The following HINT3 variants were observed in gnomAD, a reference collection of about 807,000 sequenced individuals.
HINT3 encodes the protein histidine triad nucleotide binding protein 3.
In HINT3, 16 loss-of-function variants were observed where a neutral mutation model predicts 19.1. The ratio of observed to expected loss-of-function variants is 0.84; its 90% confidence interval spans 0.57 to 1.27. The LOEUF (loss-of-function observed/expected upper bound fraction) is 1.27, where lower values mean the gene tolerates loss of function less well. Ranked by LOEUF, HINT3 falls within the 50% of genes most tolerant of loss-of-function variation. HINT3 has a pLI of 0.00. For synonymous variants in HINT3, 75 were observed against 84.8 expected (o/e 0.88, Z 0.63); for missense variants, 197 against 225.8 (o/e 0.87, Z 0.82).
chr6:125,975,046 C>A, intron 4 of HINT3, 73 bp downstream of exon 4: 1 of 1,419,410 alleles, frequency 7.0e-7, no homozygotes, highest in East Asian at 2.3e-5. Flanking sequence ...TTTTTCTTCT[C>A]AACAGTAGGC....
intron 1 of HINT3, among the ~76,000 whole-genome samples, chr6:125,960,129 A>G (rs774622899): frequency 3.3e-5 from 5 of 152,232 alleles, no homozygotes; most frequent in Non-Finnish European, 7.3e-5. Context: ...AAAGGTTTGA[A>G]GTAGCTCCTG....
chr6:125,964,329 G>C (rs1788986466), intron 1 of HINT3, among the ~76,000 whole-genome samples: 1 of 152,036 alleles, frequency 6.6e-6, no homozygotes, highest in Admixed American at 6.5e-5. Flanking sequence ...TGTTTTCAGA[G>C]TCAAAATTGT....
intron 3 of HINT3, among the ~76,000 whole-genome samples, chr6:125,972,642 T>G (rs1789118231): frequency 6.6e-6 from 1 of 152,104 alleles, no homozygotes; most frequent in African/African-American, 2.4e-5. Context: ...CAGGCTAGAG[T>G]GCAGTGGTGT....
intron 2 of HINT3, among the ~76,000 whole-genome samples, chr6:125,967,697 A>G (rs1475640517): frequency 6.6e-6 from 1 of 152,214 alleles, no homozygotes; most frequent in African/African-American, 2.4e-5. Context: ...ATGAAAAATT[A>G]TAAACAAACA....
Position 125,966,914 on chromosome 6 carries a change from A to T in HINT3, c.229A>T (p.Ile77Phe). The T allele has an allele frequency of 6.2e-7, 1 of 1,612,708 alleles. No homozygotes were observed. The highest frequency in any genetic ancestry group is 8.5e-7 in the Non-Finnish European group (1 of 1,179,396). The change falls in exon 2 of 5, where the codon ATC becomes TTC. Residue 77 changes from isoleucine to phenylalanine, a missense_variant. Ile to Phe is a conservative substitution (Grantham distance 21). Coordinates refer to ENST00000229633, the MANE Select transcript of HINT3 (RefSeq NM_138571.5). Reference sequence around the variant, plus strand: ...TGAGGACCTAATTTGCTTCAAAGATATCAAACCAGCAGCAACTCATCATTA... The same window carrying T: ...TGAGGACCTAATTTGCTTCAAAGATTTCAAACCAGCAGCAACTCATCATTA... ...ENEDLICFKD[I>F]KPAATHHYLV...
chr6:125,956,975 G>T lies in HINT3; in HGVS notation c.-3G>T. ...AGGCTCTAGGCCGCGAGGGGCGGGT[G>T]CAATGGCGGAGGAACAGGTGAACCG... On this transcript the variant is annotated 5_prime_UTR_variant, in exon 1 of 5. Transcript: ENST00000229633. 6.5e-7 allele frequency: 1 copy of T among 1,549,486 alleles called. No individual in the cohort carries two copies. The highest frequency in any genetic ancestry group is 8.7e-7 in the Non-Finnish European group (1 of 1,146,532).
intron 2 of HINT3, among the ~76,000 whole-genome samples, chr6:125,969,551 G>A (rs183954785): frequency 4.2e-3 from 645 of 152,222 alleles, no homozygotes; most frequent in Non-Finnish European, 6.8e-3. Flanking sequence ...GATGTTGGTA[G>A]TGTTGAATCC....
At chr6:125,957,569 T>C (rs1326736803) in intron 1 of HINT3, among the ~76,000 whole-genome samples, 1 of 152,192 alleles carries the variant, frequency 6.6e-6, no homozygotes, top group African/African-American at 2.4e-5. Context: ...ACCTTCAAGA[T>C]ACTGATTTTA....
chr6:125,965,912 A>G (rs1215735894), intron 1 of HINT3, among the ~76,000 whole-genome samples: 2 of 152,212 alleles, frequency 1.3e-5, no homozygotes, highest in Admixed American at 1.3e-4. Context: ...ATATATAATT[A>G]TCATGTTTGT....
chr6:125,962,161 CACATAT>C lies in HINT3; in HGVS notation c.202-4724_202-4719del, dbSNP rs1229533248. On this transcript the variant is annotated intron_variant, in intron 1 of 4. Transcript: ENST00000229633. ...GTGGATGGAAACCCATATATATATA[CACATAT>C]ATATATATATATATATATACACATA... is the stretch of plus-strand genomic sequence containing the variant. 4.4e-4 allele frequency among the ~76,000 whole-genome samples: 44 copies of C among 99,824 alleles called. 6 individuals carry two copies. Among genetic ancestry groups the C allele is most frequent in the African/African-American group, 1.6e-3 (37 of 22,472 alleles). The allele number at this position is 99,824 out of a possible 152,430, so 65.5% of individuals were successfully genotyped here. A position where few individuals can be genotyped will look rare whatever the true frequency, so the allele number is the denominator to read the frequency against.
chr6:125,970,756 T>C (rs1789085776), intron 2 of HINT3, among the ~76,000 whole-genome samples: 2 of 152,190 alleles, frequency 1.3e-5, no homozygotes, highest in Non-Finnish European at 2.9e-5. Context: ...AAGTTGACCA[T>C]ATTCCGAGCA....
At chr6:125,974,259 C>T (rs1381290265) in intron 3 of HINT3, among the ~76,000 whole-genome samples, 2 of 152,128 alleles carry the variant, frequency 1.3e-5, no homozygotes, top group Admixed American at 1.3e-4. Context: ...TAAAGGAATT[C>T]TTGTGTATCT....
chr6:125,963,418 T>C (rs1788973035), intron 1 of HINT3, among the ~76,000 whole-genome samples: 1 of 152,214 alleles, frequency 6.6e-6, no homozygotes, highest in Non-Finnish European at 1.5e-5. Context: ...TTTAGCTTTT[T>C]TAGTTCTGCA....
chr6:125,967,174 A>G (rs1243332293), intron 2 of HINT3, among the ~76,000 whole-genome samples, 170 bp downstream of exon 2: 1 of 152,102 alleles, frequency 6.6e-6, no homozygotes, highest in Non-Finnish European at 1.5e-5. Context: ...ATAGTATAAT[A>G]CTCGTGTATT....
chr6:125,971,641 C>A (rs1789102853), intron 2 of HINT3, among the ~76,000 whole-genome samples: 1 of 150,470 alleles, frequency 6.6e-6, no homozygotes, highest in Admixed American at 6.6e-5. Context: ...CTCAAGAAAT[C>A]CTTCTGCCTC....
chr6:125,977,710 G>C lies in HINT3; in HGVS notation c.*34G>C, dbSNP rs761025513. The C allele has an allele frequency of 1.4e-6, 2 of 1,405,894 alleles. No homozygotes were observed. The highest frequency in any genetic ancestry group is 5.1e-5 in the East Asian group (2 of 38,946). The allele number at this position is 1,405,894 out of a possible 1,614,324, so 87.1% of individuals were successfully genotyped here. On this transcript the variant is annotated 3_prime_UTR_variant, in exon 5 of 5. Transcript: ENST00000229633. Reference sequence around the variant, plus strand: ...AGAGTGGAAGATTTTTCTAATCTTGGTTCAGCATGAAGTGGTATTTAGGTC... The same window carrying C: ...AGAGTGGAAGATTTTTCTAATCTTGCTTCAGCATGAAGTGGTATTTAGGTC...
At chr6:125,970,523 G>A (rs1789082303) in intron 2 of HINT3, among the ~76,000 whole-genome samples, 1 of 152,050 alleles carries the variant, frequency 6.6e-6, no homozygotes, top group Admixed American at 6.5e-5. Context: ...GTAGGTATTT[G>A]GGATTCCATT....
chr6:125,957,312 C>G (rs1197478577), intron 1 of HINT3, 134 bp downstream of exon 1: 24 of 966,342 alleles, frequency 2.5e-5, no homozygotes, highest in Non-Finnish European at 3.3e-5. Context: ...CAGGGCCGCT[C>G]TGTGTGGATG....
rs568451027 is a variant in HINT3, at chr6:125,957,011, C to G, written c.34C>G (p.Leu12Val). ...AEEQVNRSAG[L>V]APDCEASATA... ...GGAACAGGTGAACCGCAGCGCCGGC[C>G]TGGCCCCCGACTGTGAGGCCTCGGC... Residue 12 changes from leucine to valine, a missense_variant, in exon 1 of 5, where the codon CTG becomes GTG. Transcript: ENST00000229633. 1.4e-5 allele frequency: 22 copies of G among 1,550,584 alleles called. No homozygotes were observed. In the African/African-American group the frequency reaches 2.9e-4, roughly 20 times the overall value.
Sources: allele counts gnomAD v4.1 joint callset (sites outside exome capture counted in the v4.1 genomes callset), GRCh38; gene constraint gnomAD v4.1.1; transcripts MANE v1.5; gene names NCBI Gene and HGNC (gene_info 2026-07-23, HGNC 2026-07-21).